DCDC1: variants seen among roughly 807,000 people sequenced by gnomAD.
The protein encoded by DCDC1 is doublecortin domain-containing protein 1.
A neutral mutation model predicts 178.3 loss-of-function variants in DCDC1; 200 were observed. The observed-to-expected ratio is 1.12, with a 90% CI of 1.00 to 1.26. The LOEUF (loss-of-function observed/expected upper bound fraction) is 1.26. DCDC1 is among the 50% of genes most tolerant of loss of function. DCDC1 has a pLI of 0.00. For synonymous variants in DCDC1, 690 were observed against 604.8 expected, an observed-to-expected ratio of 1.14 and a Z score of -2.07; for missense variants, 1,983 against 1,749.2, an observed-to-expected ratio of 1.13 and a Z score of -2.38.
chr11:31,214,822 A>G (rs930277809), intron 9 of DCDC1, among the ~76,000 whole-genome samples: 2 of 152,106 alleles, frequency 1.3e-5, no homozygotes, highest in African/African-American at 4.8e-5. Context: ...GATAAATTTC[A>G]AATATATGTT....
intron 9 of DCDC1, among the ~76,000 whole-genome samples, chr11:31,240,498 C>T (rs1976984853): frequency 6.6e-6 from 1 of 151,978 alleles, no homozygotes; most frequent in Non-Finnish European, 1.5e-5. Context: ...CCAAACTCGA[C>T]AGCAGGAGGT....
intron 27 of DCDC1, among the ~76,000 whole-genome samples, chr11:30,912,384 A>G (rs956313021): frequency 6.6e-6 from 1 of 152,044 alleles, no homozygotes; most frequent in African/African-American, 2.4e-5. Flanking sequence ...CTTGGGTTCA[A>G]ACGATTCTTC....
At chr11:31,028,812 G>A (rs1442262788) in intron 20 of DCDC1, among the ~76,000 whole-genome samples, 3 of 151,908 alleles carry the variant, frequency 2.0e-5, no homozygotes, top group Admixed American at 2.0e-4. Flanking sequence ...GTATCACCAG[G>A]GAGTTTTGTC....
intron 21 of DCDC1, among the ~76,000 whole-genome samples, chr11:30,936,543 C>T (rs1180266630): frequency 6.6e-6 from 1 of 152,164 alleles, no homozygotes; most frequent in Non-Finnish European, 1.5e-5. Flanking sequence ...AAATCACTCT[C>T]TTCTAACAAA....
intron 6 of DCDC1, among the ~76,000 whole-genome samples, chr11:31,304,495 T>A (rs1948327757): frequency 6.6e-6 from 1 of 152,180 alleles, no homozygotes; most frequent in African/African-American, 2.4e-5. Context: ...TAATTTTCAA[T>A]GACCATTATA....
chr11:30,991,774 T>C (rs1951001377), intron 20 of DCDC1, among the ~76,000 whole-genome samples: 1 of 152,184 alleles, frequency 6.6e-6, no homozygotes, highest in Non-Finnish European at 1.5e-5. Flanking sequence ...TACAAGTAAA[T>C]TTTTTTAAGT....
At chr11:30,888,152 AAGAAAG>A (rs1167202609) in intron 36 of DCDC1, among the ~76,000 whole-genome samples, 2 of 139,998 alleles carry the variant, frequency 1.4e-5, no homozygotes, top group Non-Finnish European at 3.0e-5. Flanking sequence ...GAAAGAAAGA[AAGAAAG>A]AAAGGGAAAG....
At chr11:31,121,130 C>T (rs187858797) in intron 11 of DCDC1, among the ~76,000 whole-genome samples, 10 of 152,136 alleles carry the variant, frequency 6.6e-5, no homozygotes, top group Admixed American at 4.6e-4. Context: ...AGTGTAACCA[C>T]TGATGGTAAA....
At chr11:31,125,779 C>T (rs559421823) in intron 11 of DCDC1, among the ~76,000 whole-genome samples, 8 of 152,014 alleles carry the variant, frequency 5.3e-5, no homozygotes, top group South Asian at 2.1e-4. Flanking sequence ...CCATCAGGGG[C>T]GGTTGGGTGG....
intron 20 of DCDC1, among the ~76,000 whole-genome samples, chr11:30,974,682 A>C (rs1233431203): frequency 6.6e-6 from 1 of 152,192 alleles, no homozygotes; most frequent in Non-Finnish European, 1.5e-5. Context: ...AGACCTGAAC[A>C]AACCAATAAG....
chr11:30,920,434 A>G (rs1270733997), intron 25 of DCDC1, among the ~76,000 whole-genome samples: 1 of 152,202 alleles, frequency 6.6e-6, no homozygotes, highest in African/African-American at 2.4e-5. Context: ...ACATGTGTCA[A>G]CTTGAACTTA....
chr11:31,103,052 G>C (rs977988238), intron 14 of DCDC1, among the ~76,000 whole-genome samples: 2 of 152,110 alleles, frequency 1.3e-5, no homozygotes, highest in Non-Finnish European at 2.9e-5. Context: ...GAATTAAATC[G>C]ATCCTTACCC....
At chr11:30,936,894 C>T (rs1299729510) in intron 21 of DCDC1, among the ~76,000 whole-genome samples, 1 of 152,116 alleles carries the variant, frequency 6.6e-6, no homozygotes, top group African/African-American at 2.4e-5. Flanking sequence ...TCTTTTCTCC[C>T]TTAAATAGCA....
At chr11:30,993,665 A>G (rs1951103347) in intron 20 of DCDC1, among the ~76,000 whole-genome samples, 1 of 152,166 alleles carries the variant, frequency 6.6e-6, no homozygotes, top group Admixed American at 6.6e-5. Context: ...AAGTATAATA[A>G]GTGAATACTA....
At chr11:31,198,164 T>A (rs947409947) in intron 9 of DCDC1, among the ~76,000 whole-genome samples, 3 of 152,030 alleles carry the variant, frequency 2.0e-5, no homozygotes, top group East Asian at 1.9e-4. Flanking sequence ...GTAATCTGCC[T>A]CTGTTGCTAA....
At chr11:30,907,486 C>A (rs1945145995) in intron 29 of DCDC1, among the ~76,000 whole-genome samples, 1 of 152,172 alleles carries the variant, frequency 6.6e-6, no homozygotes, top group Non-Finnish European at 1.5e-5. Flanking sequence ...TTGGCCAACA[C>A]AGCACTAACA....
chr11:31,064,000 G>A (rs931702748), intron 20 of DCDC1, among the ~76,000 whole-genome samples: 1 of 152,090 alleles, frequency 6.6e-6, no homozygotes, highest in Non-Finnish European at 1.5e-5. Flanking sequence ...TATCAATGAT[G>A]TTATTTTTAT....
intron 9 of DCDC1, among the ~76,000 whole-genome samples, chr11:31,186,196 G>A (rs544550346): frequency 1.2e-4 from 18 of 152,000 alleles, no homozygotes; most frequent in Non-Finnish European, 1.9e-4. Context: ...GCCCTCTCTT[G>A]TTTCTCAGAG....
intron 34 of DCDC1, 141 bp downstream of exon 34, chr11:30,899,400 A>G: frequency 2.0e-6 from 1 of 496,782 alleles, no homozygotes; most frequent in Non-Finnish European, 3.2e-6. Context: ...TGCTCAAATG[A>G]TTTCTGTAAA....
Sources: allele counts gnomAD v4.1 joint callset (sites outside exome capture counted in the v4.1 genomes callset), GRCh38; gene constraint gnomAD v4.1.1; transcripts MANE v1.5; gene names NCBI Gene and HGNC (gene_info 2026-07-23, HGNC 2026-07-21).